Variants in CDH13 observed in about 807,000 individuals in gnomAD.
The protein encoded by CDH13 is cadherin-13.
A neutral mutation model predicts 63.8 loss-of-function variants in CDH13; 24 were observed. That is an observed-to-expected ratio of 0.38 (90% confidence interval 0.27 to 0.53). The LOEUF is 0.53. Among genes scored for constraint, CDH13 ranks in the 20% least tolerant of loss-of-function variants. The probability of loss-of-function intolerance (pLI) is 0.85; values close to 1 mark genes in which losing one functional copy is unlikely to be tolerated. For synonymous variants in CDH13, 503 were observed against 355.3 expected, an observed-to-expected ratio of 1.42 and a Z score of -4.67; for missense variants, 1,049 against 903.1, an observed-to-expected ratio of 1.16 and a Z score of -2.07.
intron 8 of CDH13, among the ~76,000 whole-genome samples, chr16:83,657,142 C>G (rs1360518174): frequency 6.6e-6 from 1 of 152,174 alleles, no homozygotes; most frequent in East Asian, 1.9e-4. Flanking sequence ...TAGGCTCTTC[C>G]TTTGAGAAAC....
At chr16:82,931,409 T>C (rs959088398) in intron 2 of CDH13, among the ~76,000 whole-genome samples, 10 of 152,224 alleles carry the variant, frequency 6.6e-5, no homozygotes, top group African/African-American at 2.2e-4. Context: ...CATCCTACTT[T>C]TCAAAATGCT....
chr16:82,929,651 CAAA>C (rs71146097), intron 2 of CDH13, among the ~76,000 whole-genome samples: 36 of 44,250 alleles, frequency 8.1e-4, no homozygotes, highest in African/African-American at 4.2e-3. Context: ...GACTCCATCT[CAAA>C]AAAAAAAAAA....
At chr16:83,781,497 C>G (rs1820212) in intron 12 of CDH13, among the ~76,000 whole-genome samples, 2 of 152,132 alleles carry the variant, frequency 1.3e-5, no homozygotes, top group African/African-American at 4.8e-5. Flanking sequence ...ATAACATTTT[C>G]TATTTAAAAA....
chr16:82,671,247 A>G lies in CDH13; in HGVS notation c.45+44110A>G, dbSNP rs531571086. Among the ~76,000 whole-genome samples the G allele has an allele frequency of 1.3e-4, 20 of 152,370 alleles. No homozygotes were observed. The East Asian group carries it at 3.9e-3, about 29-fold the overall frequency. On this transcript the variant is annotated intron_variant, in intron 1 of 13. Transcript: ENST00000567109. The stretch of plus-strand genomic sequence containing the variant: ...TAAGTCACAAATGAAGAAGGCAACA[A>G]AAGGGAACCCAGAAGGGTTTTTTAT...
In CDH13 at chr16:83,800,611, A is replaced by G. The variant is rs978550603; in HGVS notation, c.*5581A>G. On this transcript the variant is annotated 3_prime_UTR_variant, in exon 14 of 14. Coordinates refer to ENST00000567109, the MANE Select transcript of CDH13 (RefSeq NM_001257.5). The stretch of plus-strand genomic sequence containing the variant: ...GAAATGTGCAACTTGTTTGTGAAAC[A>G]TTCAAATAAAGCTTATCTGGGATTT... The G allele has an allele frequency of 2.0e-5, 3 of 152,250 alleles. No homozygotes were observed. The highest frequency in any genetic ancestry group is 2.9e-5 in the Non-Finnish European group (2 of 68,034). The allele number at this position is 152,250 out of a possible 1,614,324, so 9.4% of individuals were successfully genotyped here. A position where few individuals can be genotyped will look rare whatever the true frequency, so the allele number is the denominator to read the frequency against.
intron 7 of CDH13, among the ~76,000 whole-genome samples, chr16:83,536,810 A>G (rs118057526): frequency 3.7e-4 from 57 of 152,282 alleles, no homozygotes; most frequent in Non-Finnish European, 7.6e-4. Context: ...GCTGTTTAGG[A>G]GAGAAAATCA....
chr16:83,456,601 T>A (rs2073030803), intron 6 of CDH13, among the ~76,000 whole-genome samples: 1 of 152,094 alleles, frequency 6.6e-6, no homozygotes, highest in South Asian at 2.1e-4. Flanking sequence ...AGGAAGGGCA[T>A]TTCAGACGCT....
At chr16:83,172,526 C>A (rs895062384) in intron 4 of CDH13, among the ~76,000 whole-genome samples, 1 of 151,692 alleles carries the variant, frequency 6.6e-6, no homozygotes, top group African/African-American at 2.4e-5. Context: ...AAAATAACAG[C>A]AGAAATCAGG....
intron 1 of CDH13, among the ~76,000 whole-genome samples, chr16:82,675,860 A>G (rs1289426039): frequency 6.6e-6 from 1 of 152,156 alleles, no homozygotes; most frequent in African/African-American, 2.4e-5. Context: ...AGAAATGGGT[A>G]TTGCTCTTTC....
At chr16:83,082,861 T>G (rs1238140395) in intron 3 of CDH13, among the ~76,000 whole-genome samples, 1 of 152,242 alleles carries the variant, frequency 6.6e-6, no homozygotes, top group East Asian at 1.9e-4. Context: ...TGCTGCTGTT[T>G]TAACAGCAAC....
At chr16:83,082,603 C>T (rs72796264) in intron 3 of CDH13, among the ~76,000 whole-genome samples, 7,714 of 152,150 alleles carry the variant, frequency 0.051, 255 homozygotes, top group Non-Finnish European at 0.066. Context: ...ACCATCGTGC[C>T]ACTGCATTCC....
chr16:83,316,452 C>T (rs545496449), intron 5 of CDH13, among the ~76,000 whole-genome samples: 1 of 152,152 alleles, frequency 6.6e-6, no homozygotes, highest in Admixed American at 6.5e-5. Context: ...AAAAGACAGT[C>T]AGTGCTACCG....
chr16:82,808,914 C>T lies in CDH13; in HGVS notation c.46-49448C>T, dbSNP rs191593029. On this transcript the variant is annotated intron_variant, in intron 1 of 13. Coordinates refer to ENST00000567109, the MANE Select transcript of CDH13 (RefSeq NM_001257.5). ...GTTTCTGTAGTGAGCATCCTTATAC[C>T]TGCCCTCATGTTTACACATAAGAGT... Among the ~76,000 whole-genome samples the T allele has an allele frequency of 3.5e-4, 53 of 152,158 alleles. No homozygotes were observed. The East Asian group carries it at 8.7e-3, about 25-fold the overall frequency.
intron 2 of CDH13, among the ~76,000 whole-genome samples, chr16:82,939,705 T>A (rs1415230936): frequency 6.6e-6 from 1 of 152,190 alleles, no homozygotes; most frequent in African/African-American, 2.4e-5. Context: ...TCCTTTCTCC[T>A]CACCGGTTCC....
At chr16:83,597,493 G>T (rs1045827794) in intron 7 of CDH13, among the ~76,000 whole-genome samples, 6 of 152,192 alleles carry the variant, frequency 3.9e-5, no homozygotes, top group Non-Finnish European at 8.8e-5. Context: ...GTGTCCACTT[G>T]TATAGGAAAA....
At chr16:82,965,295 G>A (rs72790179) in intron 2 of CDH13, among the ~76,000 whole-genome samples, 18,471 of 152,244 alleles carry the variant, frequency 0.12, 1,369 homozygotes, top group East Asian at 0.2. Flanking sequence ...CTAGCAAAGA[G>A]AATGCTCTTC....
intron 6 of CDH13, among the ~76,000 whole-genome samples, chr16:83,382,360 G>T (rs1192458283): frequency 6.6e-6 from 1 of 152,136 alleles, no homozygotes; most frequent in East Asian, 1.9e-4. Flanking sequence ...TAAATTAATG[G>T]AAATATTTTA....
chr16:83,651,257 C>T (rs1224762314), intron 8 of CDH13, among the ~76,000 whole-genome samples: 1 of 152,220 alleles, frequency 6.6e-6, no homozygotes, highest in East Asian at 1.9e-4. Flanking sequence ...AAAAGAACAA[C>T]GTGTATTTCT....
intron 5 of CDH13, among the ~76,000 whole-genome samples, chr16:83,337,061 C>T (rs544210901): frequency 7.2e-5 from 11 of 152,284 alleles, no homozygotes; most frequent in African/African-American, 2.6e-4. Context: ...CTGAAGGCCA[C>T]GCAGGCTTTG....
Sources: gnomAD v4.1 joint callset for allele counts (sites outside exome capture counted in the v4.1 genomes callset) on GRCh38, gnomAD v4.1.1 for gene constraint, MANE v1.5 for transcripts, NCBI Gene and HGNC (gene_info 2026-07-23, HGNC 2026-07-21) for gene names.